DMD: variants seen among roughly 807,000 people sequenced by gnomAD.
DMD encodes the protein mutant dystrophin.
In DMD, 63 loss-of-function variants were observed where a neutral mutation model predicts 330.1. The observed-to-expected ratio is 0.19, with a 90% confidence interval of 0.16 to 0.24. The LOEUF (loss-of-function observed/expected upper bound fraction) is 0.24, where lower values mean the gene tolerates loss of function less well. Ranked by LOEUF, DMD falls within the 10% of genes least tolerant of loss-of-function variation. The pLI, the probability that DMD is intolerant of heterozygous loss-of-function variation, is 1.00. For synonymous variants in DMD, 1,223 were observed against 959.8 expected (o/e 1.27, Z -5.07); for missense variants, 3,344 against 2,684.1 (o/e 1.25, Z -5.43).
At chrX:31,835,317 C>T (rs937079985) in intron 49 of DMD, among the ~76,000 whole-genome samples, 19 of 111,652 alleles carry the variant, frequency 1.7e-4, no homozygotes, top group African/African-American at 2.6e-4. Flanking sequence ...TAGATAGAAA[C>T]GTATGCAATT....
At chrX:33,294,127 T>A (rs949238819) in intron 1 of DMD, among the ~76,000 whole-genome samples, 1 of 110,770 alleles carries the variant, frequency 9.0e-6, no homozygotes, top group Non-Finnish European at 1.9e-5. Context: ...GAGAGTGGGG[T>A]TGGGGTGGGG....
chrX:31,928,625 T>C (rs1016882278), intron 47 of DMD, among the ~76,000 whole-genome samples: 2 of 107,127 alleles, frequency 1.9e-5, no homozygotes, highest in Admixed American at 1.0e-4. Context: ...AAAAAAAAAA[T>C]TGGGGGTGGG....
chrX:31,871,751 A>C (rs1195852372), intron 48 of DMD, among the ~76,000 whole-genome samples: 3 of 109,254 alleles, frequency 2.7e-5, no homozygotes, highest in Non-Finnish European at 5.7e-5. Flanking sequence ...TGTGCTCAAA[A>C]CTCCTTAAAA....
At chrX:31,595,165 A>G (rs988381159) in intron 55 of DMD, among the ~76,000 whole-genome samples, 25 of 111,661 alleles carry the variant, frequency 2.2e-4, no homozygotes, top group Admixed American at 9.6e-4. Flanking sequence ...AAGAATTTGA[A>G]GCTATAGAAT....
intron 1 of DMD, among the ~76,000 whole-genome samples, chrX:33,113,845 C>A (rs1465150800): frequency 9.1e-6 from 1 of 110,358 alleles, no homozygotes; most frequent in African/African-American, 3.3e-5. Flanking sequence ...AAAGTAAATT[C>A]TCATGTAATA....
intron 2 of DMD, among the ~76,000 whole-genome samples, chrX:32,985,800 G>C (rs913940529): frequency 9.0e-6 from 1 of 111,571 alleles, no homozygotes; most frequent in African/African-American, 3.3e-5. Context: ...AGAAAAAATA[G>C]CTTATTCCAA....
intron 40 of DMD, chrX:32,342,822 G>A (rs767851625): frequency 8.6e-5 from 32 of 370,442 alleles, no homozygotes; most frequent in African/African-American, 5.3e-4. Context: ...GTAAGAAGTC[G>A]TCCATATACC....
At chrX:33,294,984 T>C (rs2053563715) in intron 1 of DMD, among the ~76,000 whole-genome samples, 1 of 110,068 alleles carries the variant, frequency 9.1e-6, no homozygotes, top group Admixed American at 9.7e-5. Context: ...CAGAAAAGAG[T>C]TAAAGCATGG....
chrX:32,097,392 C>T (rs2096515596), intron 44 of DMD, among the ~76,000 whole-genome samples: 1 of 111,202 alleles, frequency 9.0e-6, no homozygotes, highest in Admixed American at 9.6e-5. Flanking sequence ...AGGATGATGG[C>T]TTCCAGCTTT....
At chrX:31,371,799 C>T (rs1029846180) in intron 60 of DMD, among the ~76,000 whole-genome samples, 3 of 111,706 alleles carry the variant, frequency 2.7e-5, no homozygotes, top group African/African-American at 6.5e-5. Context: ...TATTTGAACC[C>T]GATCTTGGTG....
chrX:31,867,723 A>G (rs917717646), intron 48 of DMD, among the ~76,000 whole-genome samples: 1 of 111,149 alleles, frequency 9.0e-6, no homozygotes, highest in African/African-American at 3.3e-5. Context: ...TTGAAAAATT[A>G]TAATAAATCC....
chrX:32,343,108 G>C, intron 40 of DMD, 26 bp downstream of exon 40: 1 of 1,189,458 alleles, frequency 8.4e-7, no homozygotes, highest in East Asian at 3.0e-5. Context: ...ATAAAATCTG[G>C]TATTGACATT....
At chrX:31,803,294 A>G (rs1257898222) in intron 50 of DMD, among the ~76,000 whole-genome samples, 1 of 112,408 alleles carries the variant, frequency 8.9e-6, no homozygotes, top group Admixed American at 9.3e-5. Flanking sequence ...TGTCCACTGC[A>G]GCTGCAACTG....
At chrX:32,966,129 T>G (rs1462966187) in intron 2 of DMD, among the ~76,000 whole-genome samples, 3 of 112,058 alleles carry the variant, frequency 2.7e-5, no homozygotes, top group Non-Finnish European at 5.6e-5. Context: ...AAATATTAAC[T>G]TCATCTTTTA....
intron 74 of DMD, among the ~76,000 whole-genome samples, chrX:31,163,483 A>G (rs1168552437): frequency 1.8e-5 from 2 of 111,824 alleles, no homozygotes; most frequent in Non-Finnish European, 3.8e-5. Context: ...AAGTAACTTG[A>G]ATGCCTAGTT....
intron 7 of DMD, among the ~76,000 whole-genome samples, chrX:32,787,699 C>A (rs1008867371): frequency 1.0e-5 from 1 of 100,117 alleles, no homozygotes; most frequent in African/African-American, 3.6e-5. Flanking sequence ...TCCCTGCCCA[C>A]CCTCCCCACC....
chrX:32,083,322 T>G (rs757653369), intron 44 of DMD, among the ~76,000 whole-genome samples: 236 of 109,586 alleles, frequency 2.2e-3, no homozygotes, highest in African/African-American at 5.6e-3. Context: ...TCGCCCAGGC[T>G]GGAGTGGAGT....
chrX:31,493,410 C>T (rs911164208), intron 57 of DMD, among the ~76,000 whole-genome samples: 1 of 112,543 alleles, frequency 8.9e-6, no homozygotes, highest in African/African-American at 3.2e-5. Flanking sequence ...AAAGTTTGCA[C>T]AATGTCCGAG....
chrX:32,898,271 C>T (rs2085780263), intron 2 of DMD, among the ~76,000 whole-genome samples: 1 of 111,657 alleles, frequency 9.0e-6, no homozygotes. Flanking sequence ...CACTTCCTGC[C>T]TCTCTAATAT....
Sources: gnomAD v4.1 joint callset for allele counts (sites outside exome capture counted in the v4.1 genomes callset) on GRCh38, gnomAD v4.1.1 for gene constraint, MANE v1.5 for transcripts, NCBI Gene and HGNC (gene_info 2026-07-23, HGNC 2026-07-21) for gene names.